GTF2A2: variants seen among roughly 807,000 people sequenced by gnomAD.
The protein encoded by GTF2A2 is general transcription factor IIA subunit 2.
Under a neutral mutation model 14.3 loss-of-function variants are expected in GTF2A2, and 9 were observed. That is an observed-to-expected ratio of 0.63 (90% CI 0.38 to 1.10). The LOEUF is 1.10. Ranked by LOEUF, GTF2A2 falls within the 50% of genes least tolerant of loss-of-function variation. GTF2A2 has a pLI of 0.01. For synonymous variants in GTF2A2, 56 were observed against 46.0 expected, an observed-to-expected ratio of 1.22 and a Z score of -0.88; for missense variants, 90 against 124.6, an observed-to-expected ratio of 0.72 and a Z score of 1.32.
At chr15:59,640,604 G>T (rs1323547790) in intron 4 of GTF2A2, among the ~76,000 whole-genome samples, 1 of 152,174 alleles carries the variant, frequency 6.6e-6, no homozygotes, top group Non-Finnish European at 1.5e-5. Flanking sequence ...AAATGCAACA[G>T]AACATGTCCG....
chr15:59,644,430 G>C (rs1340569811), intron 3 of GTF2A2: 1 of 152,142 alleles, frequency 6.6e-6, no homozygotes, highest in Non-Finnish European at 1.5e-5. Context: ...GAATGACTAA[G>C]GAAAGTGATA....
At chr15:59,645,619 T>A (rs376501285) in intron 3 of GTF2A2, among the ~76,000 whole-genome samples, 3 of 152,188 alleles carry the variant, frequency 2.0e-5, no homozygotes, top group African/African-American at 7.2e-5. Flanking sequence ...ATAAAATATA[T>A]TTAAAAATTA....
chr15:59,643,280 A>G (rs1891493098), intron 3 of GTF2A2, among the ~76,000 whole-genome samples: 1 of 151,500 alleles, frequency 6.6e-6, no homozygotes, highest in South Asian at 2.1e-4. Context: ...GGGTTTCACC[A>G]CGTTAGCCAG....
At chr15:59,648,826 C>CG (rs1415965387) in intron 3 of GTF2A2, among the ~76,000 whole-genome samples, 46 of 151,938 alleles carry the variant, frequency 3.0e-4, no homozygotes, top group African/African-American at 1.1e-3. Flanking sequence ...CCCAGCTACT[C>CG]GGGGGGCTGA....
chr15:59,656,133 T>C (rs1429869509), intron 1 of GTF2A2, among the ~76,000 whole-genome samples: 5 of 152,194 alleles, frequency 3.3e-5, no homozygotes, highest in African/African-American at 1.2e-4. Flanking sequence ...CCGGCTACCA[T>C]GATCTCTTTG....
rs1001584780 is a variant in GTF2A2 at position 59,638,159 on chromosome 15, C to T, written c.*973G>A. 6.6e-6 allele frequency: 1 copy of T among 152,190 alleles called. No individual in the cohort carries two copies. Among genetic ancestry groups the T allele is most frequent in the Non-Finnish European group, 1.5e-5 (1 of 68,058 alleles). 9.4% of individuals were successfully genotyped at this position (152,190 alleles called of 1,614,324 possible). On this transcript the variant is annotated 3_prime_UTR_variant, in exon 5 of 5. Transcript: ENST00000396060. ...ACTCAAGTAATCCTCCAGTCTCAGC[C>T]TCCTAAAGTACTGGGATTACTTACA...
intron 1 of GTF2A2, among the ~76,000 whole-genome samples, chr15:59,653,772 T>C (rs1159949842): frequency 1.3e-5 from 2 of 152,198 alleles, no homozygotes; most frequent in African/African-American, 2.4e-5. Flanking sequence ...GTAGCTCAAA[T>C]TCAATTTGTC....
At position 59,652,185 on chromosome 15, in the gene GTF2A2, A is replaced by T. The variant is rs776041166; in HGVS notation, c.72+21T>A. ...AAACCCATCAAGATAAAAATGTTTGATTTTTAATTCAGTCTCCCACCTGTA... is the reference window on the plus strand; with the variant it reads ...AAACCCATCAAGATAAAAATGTTTGTTTTTTAATTCAGTCTCCCACCTGTA... On this transcript the variant is annotated intron_variant, in intron 2 of 4. Transcript: ENST00000396060. 3 of 1,399,404 alleles carry T rather than the reference A, an allele frequency of 2.1e-6. No individual in the cohort carries two copies. The East Asian group carries it at 6.9e-5, about 32-fold the overall frequency. The allele number at this position is 1,399,404 out of a possible 1,614,324, so 86.7% of individuals were successfully genotyped here.
intron 4 of GTF2A2, 75 bp downstream of exon 4, chr15:59,642,061 A>G: frequency 7.4e-7 from 1 of 1,345,208 alleles, no homozygotes; most frequent in Non-Finnish European, 1.0e-6. Context: ...GGCTTTTCAT[A>G]TGGATGCAGA....
At chr15:59,641,627 A>C (rs967877799) in intron 4 of GTF2A2, among the ~76,000 whole-genome samples, 9 of 152,206 alleles carry the variant, frequency 5.9e-5, no homozygotes, top group Admixed American at 5.2e-4. Flanking sequence ...TGAAACATTT[A>C]AGGACCTGAA....
chr15:59,638,789 T>C lies in GTF2A2; in HGVS notation c.*343A>G, dbSNP rs1891273332. On this transcript the variant is annotated 3_prime_UTR_variant, in exon 5 of 5. Transcript: ENST00000396060. ...ATAAGCATTCTGAAAGGGCATCATG[T>C]TCCTTGCAAAGGAAATGGGAAAATG... 5.3e-6 allele frequency: 1 copy of C among 189,156 alleles called. No homozygotes were observed. Among genetic ancestry groups the C allele is most frequent in the Admixed American group, 6.1e-5 (1 of 16,518 alleles). 11.7% of individuals were successfully genotyped at this position (189,156 alleles called of 1,614,324 possible).
chr15:59,641,273 G>GTT (rs1891416350), intron 4 of GTF2A2, among the ~76,000 whole-genome samples: 1 of 149,140 alleles, frequency 6.7e-6, no homozygotes, highest in Admixed American at 6.7e-5. Flanking sequence ...GCAAAAAAAA[G>GTT]TTATAACACC....
intron 1 of GTF2A2, 38 bp from the exon 2 acceptor site, chr15:59,652,364 C>G (rs1891819024): frequency 2.8e-6 from 2 of 704,194 alleles, no homozygotes; most frequent in Non-Finnish European, 4.9e-6. Context: ...AAAGATCATA[C>G]TGTAACATCA....
At chr15:59,641,921 C>G (rs16941544) in intron 4 of GTF2A2, among the ~76,000 whole-genome samples, 11,405 of 152,210 alleles carry the variant, frequency 0.075, 727 homozygotes, top group East Asian at 0.25. Context: ...ACAAATCCAA[C>G]CTGTGTAAGC....
intron 1 of GTF2A2, chr15:59,656,730 G>A (rs541580880): frequency 2.4e-4 from 37 of 152,252 alleles, no homozygotes; most frequent in African/African-American, 8.9e-4. Context: ...CGTGCATCGT[G>A]TCCCATTTGA....
chr15:59,640,972 A>G (rs1305417007), intron 4 of GTF2A2, among the ~76,000 whole-genome samples: 2 of 152,212 alleles, frequency 1.3e-5, no homozygotes, highest in South Asian at 2.1e-4. Context: ...CAAGTCCCCA[A>G]CAATAACGCT....
intron 3 of GTF2A2, among the ~76,000 whole-genome samples, chr15:59,645,071 G>C (rs1864862795): frequency 6.6e-6 from 1 of 152,166 alleles, no homozygotes; most frequent in South Asian, 2.1e-4. Context: ...TTTTAAAGTA[G>C]GACCGGTAGG....
At chr15:59,640,366 T>G (rs1891369966) in intron 4 of GTF2A2, 1 of 152,356 alleles carries the variant, frequency 6.6e-6, no homozygotes, top group South Asian at 2.1e-4. Flanking sequence ...ATTTATTCTG[T>G]TCAGAGGCTT....
intron 4 of GTF2A2, among the ~76,000 whole-genome samples, chr15:59,639,846 G>GTTTAAGCAAT (rs1891340027): frequency 1.3e-5 from 2 of 152,070 alleles, no homozygotes; most frequent in Non-Finnish European, 2.9e-5. Flanking sequence ...CACCTCTCGG[G>GTTTAAGCAAT]TTTAAGCAAT....
Sources: allele counts gnomAD v4.1 joint callset (sites outside exome capture counted in the v4.1 genomes callset), GRCh38; gene constraint gnomAD v4.1.1; transcripts MANE v1.5; gene names NCBI Gene and HGNC (gene_info 2026-07-23, HGNC 2026-07-21).